Variants in GPC5 observed in about 807,000 individuals in gnomAD.
GPC5 encodes glypican 5.
A neutral mutation model predicts 53.9 loss-of-function variants in GPC5; 47 were observed. The ratio of observed to expected loss-of-function variants is 0.87; its 90% CI spans 0.69 to 1.11. GPC5 has a LOEUF of 1.11. Among genes scored for constraint, GPC5 ranks in the 50% most tolerant of loss-of-function variants. The pLI, the probability that GPC5 is intolerant of heterozygous loss-of-function variation, is 0.00. For synonymous variants in GPC5, 286 were observed against 263.3 expected (o/e 1.09, Z -0.84); for missense variants, 748 against 713.1 (o/e 1.05, Z -0.56).
chr13:92,270,314 T>C (rs1186591554), intron 7 of GPC5, among the ~76,000 whole-genome samples: 1 of 152,160 alleles, frequency 6.6e-6, no homozygotes, highest in African/African-American at 2.4e-5. Context: ...TGGGAAGTGA[T>C]TGGAACATAG....
At chr13:91,610,277 T>C (rs73603975) in intron 2 of GPC5, among the ~76,000 whole-genome samples, 3,766 of 152,314 alleles carry the variant, frequency 0.025, 152 homozygotes, top group African/African-American at 0.087. Flanking sequence ...TCTGTCACTT[T>C]GGAAAACAGT....
chr13:92,035,306 C>G (rs1467933559), intron 6 of GPC5, among the ~76,000 whole-genome samples: 1 of 152,074 alleles, frequency 6.6e-6, no homozygotes, highest in African/African-American at 2.4e-5. Flanking sequence ...CTTCTCAGCT[C>G]CGATTCTCCC....
intron 7 of GPC5, among the ~76,000 whole-genome samples, chr13:92,670,339 A>G (rs985880261): frequency 6.6e-6 from 1 of 152,212 alleles, no homozygotes; most frequent in Non-Finnish European, 1.5e-5. Context: ...ACAGAAACAC[A>G]GGAGATGATT....
intron 2 of GPC5, among the ~76,000 whole-genome samples, chr13:91,518,313 A>G (rs1885620187): frequency 6.6e-6 from 1 of 152,174 alleles, no homozygotes; most frequent in African/African-American, 2.4e-5. Context: ...GTGAACTATG[A>G]TCACATCATT....
intron 5 of GPC5, among the ~76,000 whole-genome samples, chr13:91,782,190 T>G (rs1227108382): frequency 2.0e-5 from 3 of 152,212 alleles, no homozygotes; most frequent in Non-Finnish European, 1.5e-5. Context: ...TTGGTTGCCA[T>G]CCAGTGGCAG....
intron 7 of GPC5, among the ~76,000 whole-genome samples, chr13:92,597,569 C>T (rs562540134): frequency 6.6e-6 from 1 of 152,096 alleles, no homozygotes; most frequent in African/African-American, 2.4e-5. Context: ...AGGCTCTCCC[C>T]CTTTTCACAG....
At chr13:92,159,927 G>T (rs1036475906) in intron 7 of GPC5, among the ~76,000 whole-genome samples, 1 of 150,130 alleles carries the variant, frequency 6.7e-6, no homozygotes, top group Non-Finnish European at 1.5e-5. Flanking sequence ...TAATTGAGAG[G>T]AGTCTTGCCC....
intron 7 of GPC5, among the ~76,000 whole-genome samples, chr13:92,190,963 G>A (rs886738908): frequency 6.6e-6 from 1 of 152,076 alleles, no homozygotes; most frequent in Non-Finnish European, 1.5e-5. Context: ...CCTATATGTT[G>A]TCTATAAAAT....
intron 7 of GPC5, among the ~76,000 whole-genome samples, chr13:92,434,346 A>C (rs982323114): frequency 6.6e-6 from 1 of 152,208 alleles, no homozygotes; most frequent in African/African-American, 2.4e-5. Context: ...GAGGTAAAGC[A>C]GAGGAAGTAA....
chr13:92,553,618 G>A (rs146096029), intron 7 of GPC5, among the ~76,000 whole-genome samples: 174 of 152,042 alleles, frequency 1.1e-3, no homozygotes, highest in African/African-American at 3.5e-3. Flanking sequence ...TATCGAAGCC[G>A]AGGGAACAGA....
chr13:92,348,760 A>T (rs1159623888), intron 7 of GPC5, among the ~76,000 whole-genome samples: 1 of 152,196 alleles, frequency 6.6e-6, no homozygotes, highest in African/African-American at 2.4e-5. Flanking sequence ...CTAGAAATCA[A>T]TAATGAGGAA....
intron 7 of GPC5, among the ~76,000 whole-genome samples, chr13:92,436,575 A>G (rs1034208270): frequency 6.6e-6 from 1 of 152,142 alleles, no homozygotes; most frequent in Non-Finnish European, 1.5e-5. Flanking sequence ...TCCTTCCACA[A>G]TCTGAATTGT....
At chr13:92,282,298 A>G (rs1265126488) in intron 7 of GPC5, among the ~76,000 whole-genome samples, 1 of 152,226 alleles carries the variant, frequency 6.6e-6, no homozygotes. Flanking sequence ...GACGGGGAGA[A>G]TGGAACCAAG....
intron 2 of GPC5, among the ~76,000 whole-genome samples, chr13:91,601,412 A>G (rs1002227063): frequency 2.6e-5 from 4 of 152,188 alleles, no homozygotes; most frequent in Non-Finnish European, 5.9e-5. Flanking sequence ...GCAGAAGCTA[A>G]GAGGTCGTGA....
intron 2 of GPC5, among the ~76,000 whole-genome samples, chr13:91,665,805 A>G (rs2035098324): frequency 6.6e-6 from 1 of 152,106 alleles, no homozygotes; most frequent in African/African-American, 2.4e-5. Flanking sequence ...GCGCCTGGCC[A>G]AAGACAGTCA....
intron 7 of GPC5, among the ~76,000 whole-genome samples, chr13:92,656,060 G>C (rs939498677): frequency 6.6e-6 from 1 of 151,944 alleles, no homozygotes; most frequent in African/African-American, 2.4e-5. Context: ...GAAACATGAG[G>C]CTACAGAAAA....
intron 7 of GPC5, among the ~76,000 whole-genome samples, chr13:92,314,336 A>G (rs976350387): frequency 1.3e-5 from 2 of 152,176 alleles, no homozygotes; most frequent in African/African-American, 2.4e-5. Flanking sequence ...ACTCAACTAC[A>G]GAAATAACTG....
chr13:91,965,336 T>C (rs1431379613), intron 6 of GPC5, among the ~76,000 whole-genome samples: 1 of 152,204 alleles, frequency 6.6e-6, no homozygotes, highest in African/African-American at 2.4e-5. Flanking sequence ...GCATTTTGGT[T>C]GTGAAGTCAG....
At chr13:91,705,103 G>C (rs984077592) in intron 3 of GPC5, among the ~76,000 whole-genome samples, 1 of 152,112 alleles carries the variant, frequency 6.6e-6, no homozygotes, top group Non-Finnish European at 1.5e-5. Context: ...TCCCTTCTCT[G>C]TTTTCATTTT....
Sources: allele counts gnomAD v4.1 joint callset (sites outside exome capture counted in the v4.1 genomes callset), GRCh38; gene constraint gnomAD v4.1.1; transcripts MANE v1.5; gene names NCBI Gene and HGNC (gene_info 2026-07-23, HGNC 2026-07-21).